The following MGAT4C variants were observed in gnomAD, a reference collection of about 807,000 sequenced individuals.
MGAT4C encodes alpha-1,3-mannosyl-glycoprotein 4-beta-N-acetylglucosaminyltransferase C.
In MGAT4C, 19 loss-of-function variants were observed where a neutral mutation model predicts 40.1. The ratio of observed to expected loss-of-function variants is 0.47; its 90% CI spans 0.33 to 0.70. MGAT4C has a LOEUF of 0.70. Among genes scored for constraint, MGAT4C ranks in the 30% least tolerant of loss-of-function variants. MGAT4C has a pLI of 0.02. For synonymous variants in MGAT4C, 181 were observed against 187.1 expected (o/e 0.97, Z 0.27); for missense variants, 491 against 563.2 (o/e 0.87, Z 1.30).
chr12:86,696,898 G>GA (rs890386293), intron 2 of MGAT4C, among the ~76,000 whole-genome samples: 2 of 152,038 alleles, frequency 1.3e-5, no homozygotes, highest in Non-Finnish European at 2.9e-5. Context: ...CTGAACTATG[G>GA]AAAATCACCA....
At chr12:86,576,563 T>C (rs1299790582) in intron 2 of MGAT4C, among the ~76,000 whole-genome samples, 1 of 151,914 alleles carries the variant, frequency 6.6e-6, no homozygotes, top group Non-Finnish European at 1.5e-5. Context: ...TCCAGCACCA[T>C]TTATTGAAGA....
At chr12:86,226,016 G>A (rs1272598023) in intron 1 of MGAT4C, among the ~76,000 whole-genome samples, 1 of 151,678 alleles carries the variant, frequency 6.6e-6, no homozygotes, top group Non-Finnish European at 1.5e-5. Context: ...CTCTTCACTG[G>A]GAGGAAGCAA....
chr12:86,699,017 A>AT (rs1767645135), intron 2 of MGAT4C, among the ~76,000 whole-genome samples: 2 of 152,152 alleles, frequency 1.3e-5, no homozygotes, highest in South Asian at 4.1e-4. Context: ...ATTCTTCTCC[A>AT]TTTTTTACTA....
At chr12:86,142,221 T>C (rs1008116497) in intron 1 of MGAT4C, among the ~76,000 whole-genome samples, 2 of 152,092 alleles carry the variant, frequency 1.3e-5, no homozygotes, top group Non-Finnish European at 2.9e-5. Context: ...AACAGGAAGG[T>C]GGTCATGTGG....
intron 1 of MGAT4C, among the ~76,000 whole-genome samples, chr12:86,050,185 T>C (rs1366740414): frequency 6.6e-6 from 1 of 151,984 alleles, no homozygotes; most frequent in African/African-American, 2.4e-5. Context: ...CATTTATCCA[T>C]GTTATTGATT....
At chr12:86,375,048 T>TC (rs1955798828) in intron 3 of MGAT4C, among the ~76,000 whole-genome samples, 4 of 152,164 alleles carry the variant, frequency 2.6e-5, no homozygotes, top group African/African-American at 9.6e-5. Flanking sequence ...ACTGTCAGAA[T>TC]ATTCCCCCTT....
In MGAT4C at chr12:86,198,032, T is replaced by C. The variant is rs999960837; in HGVS notation, c.-57+58207A>G. 3.3e-5 allele frequency among the ~76,000 whole-genome samples: 5 copies of C among 152,210 alleles called. No individual in the cohort carries two copies. In the East Asian group the frequency reaches 7.7e-4, roughly 23 times the overall value. ...AATGGGAATTGTAAAGCTCAGAGCA[T>C]GGCTCCCTAAGTTTCATTTAAGTAA... On this transcript the variant is annotated intron_variant, in intron 1 of 4. Transcript: ENST00000611864.
Position 86,430,096 on chromosome 12 carries a change from C to T in MGAT4C, c.-120+5061G>A, listed in dbSNP as rs191767546. Reference sequence around the variant, plus strand: ...ATTGTATTCTTCATCTCTAAGATTTCTGTCTGGTTCTTTCCTATTGTTTCT... The same window carrying T: ...ATTGTATTCTTCATCTCTAAGATTTTTGTCTGGTTCTTTCCTATTGTTTCT... On this transcript the variant is annotated intron_variant, in intron 3 of 7. Transcript: ENST00000548651. 5.2e-3 allele frequency among the ~76,000 whole-genome samples: 792 copies of T among 152,202 alleles called. 3 individuals carry two copies. The highest frequency in any genetic ancestry group is 0.014 in the Middle Eastern group (4 of 294).
chr12:86,640,852 C>T lies in MGAT4C; in HGVS notation c.-229+86357G>A, dbSNP rs186285561. 5.6e-3 allele frequency among the ~76,000 whole-genome samples: 846 copies of T among 151,922 alleles called. 21 individuals carry two copies. Among genetic ancestry groups the T allele is most frequent in the Admixed American group, 0.049 (742 of 15,194 alleles). On this transcript the variant is annotated intron_variant, in intron 2 of 7. Coordinates refer to the MGAT4C transcript ENST00000548651. ...AACACCTTTATTTCTGCCTTCATTTCGTTATGTACCCAGTAGTCATTCAGA... is the reference window on the plus strand; with the variant it reads ...AACACCTTTATTTCTGCCTTCATTTTGTTATGTACCCAGTAGTCATTCAGA...
intron 3 of MGAT4C, among the ~76,000 whole-genome samples, chr12:86,404,932 G>C (rs1414150772): frequency 6.6e-6 from 1 of 152,026 alleles, no homozygotes; most frequent in African/African-American, 2.4e-5. Flanking sequence ...TTTATTTTAT[G>C]TGATTTGACT....
At chr12:86,409,773 CTCA>C (rs1189491467) in intron 3 of MGAT4C, among the ~76,000 whole-genome samples, 1 of 152,096 alleles carries the variant, frequency 6.6e-6, no homozygotes, top group African/African-American at 2.4e-5. Flanking sequence ...CTTTGCTATT[CTCA>C]TGATATTGAG....
chr12:86,726,648 C>T (rs7314362), intron 2 of MGAT4C, among the ~76,000 whole-genome samples: 118,880 of 152,046 alleles, frequency 0.78, 48,055 homozygotes, highest in Middle Eastern at 0.89. Context: ...ATATTCCTTT[C>T]TAATATTTTT....
intron 2 of MGAT4C, chr12:86,001,619 C>T: frequency 1.0e-6 from 1 of 983,526 alleles, no homozygotes; most frequent in Non-Finnish European, 1.2e-6. Context: ...AGCCTGAGTA[C>T]ACTATACAGA....
At chr12:86,250,329 CTGAGAGAGAGAG>C (rs1437198794) in intron 1 of MGAT4C, among the ~76,000 whole-genome samples, 2 of 75,168 alleles carry the variant, frequency 2.7e-5, no homozygotes, top group African/African-American at 1.2e-4. Context: ...CACACACACA[CTGAGAGAGAGAG>C]AGAGAGAGAG....
At chr12:86,167,906 A>T (rs1196406937) in intron 1 of MGAT4C, among the ~76,000 whole-genome samples, 1 of 152,166 alleles carries the variant, frequency 6.6e-6, no homozygotes, top group Non-Finnish European at 1.5e-5. Flanking sequence ...TATTTCAAAA[A>T]ATCTATGAGC....
intron 2 of MGAT4C, among the ~76,000 whole-genome samples, chr12:86,040,102 T>A (rs563124390): frequency 6.6e-6 from 1 of 152,180 alleles, no homozygotes; most frequent in African/African-American, 2.4e-5. Context: ...CTAGAAGCTT[T>A]GTCCCAGAGG....
intron 2 of MGAT4C, among the ~76,000 whole-genome samples, chr12:86,656,681 G>A (rs955256684): frequency 7.2e-5 from 11 of 152,050 alleles, no homozygotes; most frequent in East Asian, 1.9e-4. Context: ...AAAATGCTTC[G>A]TGAGCTGGAA....
intron 2 of MGAT4C, among the ~76,000 whole-genome samples, chr12:86,569,340 A>G (rs1390611321): frequency 6.6e-6 from 1 of 152,130 alleles, no homozygotes; most frequent in Non-Finnish European, 1.5e-5. Context: ...TCCACAGCAG[A>G]AAACCAAATA....
chr12:86,679,859 C>T (rs1033664019), intron 2 of MGAT4C, among the ~76,000 whole-genome samples: 4 of 151,982 alleles, frequency 2.6e-5, no homozygotes, highest in Admixed American at 2.6e-4. Flanking sequence ...ATTTTGTTAT[C>T]GTAGCCAGAA....
Sources: allele counts gnomAD v4.1 joint callset (sites outside exome capture counted in the v4.1 genomes callset), GRCh38; gene constraint gnomAD v4.1.1; transcripts MANE v1.5; gene names NCBI Gene and HGNC (gene_info 2026-07-23, HGNC 2026-07-21).